The following ESYT2 variants were observed in gnomAD, a reference collection of about 807,000 sequenced individuals.
The protein encoded by ESYT2 is extended synaptotagmin-2.
Under a neutral mutation model 107.2 loss-of-function variants are expected in ESYT2, and 54 were observed. That is an observed-to-expected ratio of 0.50 (90% CI 0.40 to 0.63). ESYT2 has a LOEUF of 0.63. Ranked by LOEUF, ESYT2 falls within the 30% of genes least tolerant of loss-of-function variation. ESYT2 has a pLI of 0.00. For missense variants in ESYT2, 1,020 were observed against 1,094.5 expected (o/e 0.93, Z 0.96); for synonymous variants, 491 against 434.1 (o/e 1.13, Z -1.63).
At position 158,741,463 on chromosome 7, in the gene ESYT2, A is replaced by C. The variant is rs1837199886; in HGVS notation, c.2168+60T>G. ...CTGCTGCGTTAAACGACTCTCCCCC[A>C]GCGTGGGGTGGGGGGCGCTTGCTCT... On this transcript the variant is annotated intron_variant, in intron 18 of 22. Transcript: ENST00000275418. 9 of 1,388,782 alleles carry C rather than the reference A, an allele frequency of 6.5e-6. No individual in the cohort carries two copies. The South Asian group carries it at 1.1e-4, about 17-fold the overall frequency. 86.0% of individuals were successfully genotyped at this position (1,388,782 alleles called of 1,614,324 possible).
At chr7:158,753,009 A>G (rs1837631208) in intron 13 of ESYT2, among the ~76,000 whole-genome samples, 166 bp from the exon 14 acceptor site, 2 of 152,244 alleles carry the variant, frequency 1.3e-5, no homozygotes, top group South Asian at 4.1e-4. Flanking sequence ...AAAATTCTTT[A>G]TGCCCAAGAC....
intron 18 of ESYT2, among the ~76,000 whole-genome samples, chr7:158,740,027 G>A (rs951579318): frequency 1.3e-5 from 2 of 152,232 alleles, no homozygotes; most frequent in Admixed American, 6.5e-5. Context: ...GGCCTCGAGA[G>A]CAGCAGTGTT....
At chr7:158,814,777 T>C (rs1384678247) in intron 1 of ESYT2, among the ~76,000 whole-genome samples, 1 of 152,222 alleles carries the variant, frequency 6.6e-6, no homozygotes, top group Non-Finnish European at 1.5e-5. Context: ...GCACTGAGTA[T>C]GGCCAGGCGG....
At chr7:158,781,018 G>A (rs1006439412) in intron 6 of ESYT2, among the ~76,000 whole-genome samples, 1 of 152,178 alleles carries the variant, frequency 6.6e-6, no homozygotes, top group Non-Finnish European at 1.5e-5. Context: ...GAGAATGAGC[G>A]TGAGAAAGAA....
In ESYT2 at chr7:158,731,929, CCT is replaced by C. The variant is rs1836766449; in HGVS notation, c.*2276_*2277del. 1 of 152,314 alleles carries C rather than the reference CCT, an allele frequency of 6.6e-6. No homozygotes were observed. Among genetic ancestry groups the C allele is most frequent in the African/African-American group, 2.4e-5 (1 of 41,434 alleles). 9.4% of individuals were successfully genotyped at this position (152,314 alleles called of 1,614,324 possible). A position where few individuals can be genotyped will look rare whatever the true frequency, so the allele number is the denominator to read the frequency against. On this transcript the variant is annotated 3_prime_UTR_variant, in exon 23 of 23. Coordinates refer to ENST00000275418, the MANE Select transcript of ESYT2 (RefSeq NM_001367773.1). Reference sequence around the variant, plus strand: ...GCACTTCAGTGCCTCAGAATCACCCCCTTTTTTTAAAAGAGAATGGAGGCAGC... The same window carrying C: ...GCACTTCAGTGCCTCAGAATCACCCCTTTTTTAAAAGAGAATGGAGGCAGC...
chr7:158,781,816 T>C (rs1211866430), intron 6 of ESYT2, among the ~76,000 whole-genome samples: 4 of 150,004 alleles, frequency 2.7e-5, no homozygotes, highest in Non-Finnish European at 4.4e-5. Flanking sequence ...GTGTGAGATG[T>C]GAGTGTAATA....
chr7:158,736,972 A>G (rs940741667), intron 20 of ESYT2, 76 bp downstream of exon 20: 25 of 1,577,408 alleles, frequency 1.6e-5, no homozygotes, highest in Non-Finnish European at 1.7e-5. Context: ...TTGGCCACTC[A>G]AAGGCACCAT....
At chr7:158,760,444 C>T (rs1448476803) in intron 11 of ESYT2, among the ~76,000 whole-genome samples, 1 of 152,216 alleles carries the variant, frequency 6.6e-6, no homozygotes, top group Non-Finnish European at 1.5e-5. Flanking sequence ...TCCCACTTTA[C>T]ACATAAGAAT....
intron 1 of ESYT2, among the ~76,000 whole-genome samples, chr7:158,814,502 A>G (rs1321799203): frequency 6.6e-6 from 1 of 152,122 alleles, no homozygotes; most frequent in Non-Finnish European, 1.5e-5. Flanking sequence ...ACATTTAAAA[A>G]TATACGTTAC....
chr7:158,745,270 C>T (rs1233188937), intron 16 of ESYT2, among the ~76,000 whole-genome samples: 1 of 85,282 alleles, frequency 1.2e-5, no homozygotes, highest in South Asian at 3.4e-4. Context: ...TTCACACTCA[C>T]CTATCTAATG....
chr7:158,816,767 T>C (rs902645728), intron 1 of ESYT2, among the ~76,000 whole-genome samples: 5 of 152,238 alleles, frequency 3.3e-5, no homozygotes, highest in Non-Finnish European at 7.3e-5. Flanking sequence ...CCATTTGTGA[T>C]TAAGTAAAAT....
intron 1 of ESYT2, among the ~76,000 whole-genome samples, chr7:158,818,097 G>A (rs1386334558): frequency 6.6e-6 from 1 of 152,196 alleles, no homozygotes; most frequent in East Asian, 1.9e-4. Flanking sequence ...GAAATAGGAT[G>A]TGCACTTTCA....
chr7:158,791,508 C>T (rs1245807882), intron 4 of ESYT2, among the ~76,000 whole-genome samples: 1 of 152,222 alleles, frequency 6.6e-6, no homozygotes, highest in Non-Finnish European at 1.5e-5. Flanking sequence ...GTTTCCACAG[C>T]AGCTGTACCA....
chr7:158,776,938 C>T (rs1404642812), intron 6 of ESYT2, among the ~76,000 whole-genome samples: 2 of 151,866 alleles, frequency 1.3e-5, no homozygotes, highest in African/African-American at 4.8e-5. Flanking sequence ...CTACAACCTC[C>T]GCCTCCCAGG....
At chr7:158,790,322 C>T (rs999191340) in intron 4 of ESYT2, among the ~76,000 whole-genome samples, 2 of 152,170 alleles carry the variant, frequency 1.3e-5, no homozygotes, top group African/African-American at 4.8e-5. Context: ...AAAAACAGCA[C>T]ACAACTCTGA....
chr7:158,753,750 C>T (rs910726304), intron 13 of ESYT2, among the ~76,000 whole-genome samples: 14 of 151,632 alleles, frequency 9.2e-5, no homozygotes, highest in Non-Finnish European at 1.3e-4. Flanking sequence ...CTAAAGCTGC[C>T]GGTGGAGCTC....
At position 158,829,240 on chromosome 7, in the gene ESYT2, A is replaced by T; in HGVS notation, c.179T>A (p.Phe60Tyr). 13 of 1,528,700 alleles carry T rather than the reference A, an allele frequency of 8.5e-6. No homozygotes were observed. The highest frequency in any genetic ancestry group is 1.0e-5 in the Non-Finnish European group (12 of 1,146,044). 94.7% of individuals were successfully genotyped at this position (1,528,700 alleles called of 1,614,324 possible). ...VYALGYLGLSFSWVLLALALL... is the reference protein window; with the variant it reads ...VYALGYLGLSYSWVLLALALL... The stretch of plus-strand genomic sequence containing the variant: ...CGCGAGCGCGAGGAGAACCCAGCTG[A>T]AGCTGAGCCCCAGGTAGCCCAGCGC... Residue 60 changes from phenylalanine (F) to tyrosine (Y), a missense_variant, in exon 1 of 23, where the codon TTC becomes TAC. Transcript: ENST00000275418.
chr7:158,780,833 C>T (rs1462675371), intron 6 of ESYT2, among the ~76,000 whole-genome samples: 1 of 152,196 alleles, frequency 6.6e-6, no homozygotes, highest in East Asian at 1.9e-4. Flanking sequence ...CACTGAAAGG[C>T]CTGTCCCTGA....
At chr7:158,739,740 G>C (rs546571437) in intron 18 of ESYT2, among the ~76,000 whole-genome samples, 1 of 152,268 alleles carries the variant, frequency 6.6e-6, no homozygotes, top group East Asian at 1.9e-4. Flanking sequence ...GGGGACCCCA[G>C]AGAAACTTAA....
Sources: gnomAD v4.1 joint callset for allele counts (sites outside exome capture counted in the v4.1 genomes callset) on GRCh38, gnomAD v4.1.1 for gene constraint, MANE v1.5 for transcripts, NCBI Gene and HGNC (gene_info 2026-07-23, HGNC 2026-07-21) for gene names.